The following NXPE2 variants were observed in gnomAD, a reference collection of about 807,000 sequenced individuals.
NXPE2 encodes neurexophilin and PC-esterase domain family member 2.
A neutral mutation model predicts 34.4 loss-of-function variants in NXPE2; 34 were observed. The ratio of observed to expected loss-of-function variants is 0.99; its 90% CI spans 0.75 to 1.31. The LOEUF is 1.31. Among genes scored for constraint, NXPE2 ranks in the 40% most tolerant of loss-of-function variants. NXPE2 has a pLI of 0.00. For synonymous variants in NXPE2, 235 were observed against 231.3 expected (o/e 1.02, Z -0.15); for missense variants, 649 against 672.5 (o/e 0.97, Z 0.39).
At chr11:114,740,035 A>G in the NXPE2 span, among the ~76,000 whole-genome samples, 1 of 152,072 alleles carries the variant, frequency 6.6e-6, no homozygotes, top group Admixed American at 6.6e-5. Flanking sequence ...ACCAAACACT[A>G]TATATATACT....
chr11:114,669,583 A>G, the NXPE2 span, among the ~76,000 whole-genome samples: 18 of 152,074 alleles, frequency 1.2e-4, no homozygotes, highest in African/African-American at 3.6e-4. Flanking sequence ...TGGACTGAGA[A>G]TACCAAGCTC....
At chr11:114,690,315 A>G (rs1264294582) in intron 2 of NXPE2, among the ~76,000 whole-genome samples, 2 of 152,078 alleles carry the variant, frequency 1.3e-5, no homozygotes, top group Non-Finnish European at 1.5e-5. Context: ...CTTAGCAAAT[A>G]CTTGTCTGGA....
the NXPE2 span, among the ~76,000 whole-genome samples, chr11:114,776,054 C>T: frequency 6.6e-6 from 1 of 152,190 alleles, no homozygotes; most frequent in African/African-American, 2.4e-5. Flanking sequence ...GTCTTTATCT[C>T]TCTCCATGGG....
At chr11:114,599,407 C>A in the NXPE2 span, among the ~76,000 whole-genome samples, 2 of 152,136 alleles carry the variant, frequency 1.3e-5, no homozygotes, top group African/African-American at 2.4e-5. Context: ...TTCTTCTGGG[C>A]CCTCCACCCT....
chr11:114,720,513 C>G, the NXPE2 span, among the ~76,000 whole-genome samples: 2 of 152,212 alleles, frequency 1.3e-5, no homozygotes, highest in Non-Finnish European at 2.9e-5. Flanking sequence ...GGGTCAAAAG[C>G]TGCAGTGTCC....
the NXPE2 span, among the ~76,000 whole-genome samples, chr11:114,743,432 C>T: frequency 5.3e-4 from 81 of 152,098 alleles, no homozygotes; most frequent in Non-Finnish European, 8.8e-4. Context: ...TAAGCATGAG[C>T]AAAGCAGTAT....
chr11:114,794,836 A>G, the NXPE2 span, among the ~76,000 whole-genome samples: 1 of 150,960 alleles, frequency 6.6e-6, no homozygotes, highest in South Asian at 2.1e-4. Flanking sequence ...AAGGGGATGG[A>G]TGAATTGCAC....
chr11:114,471,204 G>T, the NXPE2 span, among the ~76,000 whole-genome samples: 1 of 152,022 alleles, frequency 6.6e-6, no homozygotes, highest in Non-Finnish European at 1.5e-5. Context: ...AGAAATCATT[G>T]CCCAGCCAAA....
At chr11:114,602,889 T>G in the NXPE2 span, among the ~76,000 whole-genome samples, 2 of 148,290 alleles carry the variant, frequency 1.3e-5, no homozygotes, top group African/African-American at 4.9e-5. Context: ...AACATAATTA[T>G]CTAATATATA....
the NXPE2 span, among the ~76,000 whole-genome samples, chr11:114,499,704 T>A: frequency 1.3e-5 from 2 of 152,188 alleles, no homozygotes; most frequent in African/African-American, 4.8e-5. Flanking sequence ...TATGTCTGTG[T>A]AACCAACACA....
At chr11:114,647,290 T>G in the NXPE2 span, among the ~76,000 whole-genome samples, 2 of 152,208 alleles carry the variant, frequency 1.3e-5, no homozygotes, top group African/African-American at 4.8e-5. Context: ...AATTTTCTTT[T>G]ATTGTACTGT....
the NXPE2 span, among the ~76,000 whole-genome samples, chr11:114,625,141 T>A: frequency 7.2e-5 from 11 of 152,146 alleles, 1 homozygote; most frequent in Admixed American, 5.9e-4. Context: ...AATGACTGGA[T>A]AATAAGTATT....
chr11:114,632,751 A>ATAATTATATATATAATT, the NXPE2 span, among the ~76,000 whole-genome samples: 1 of 36,312 alleles, frequency 2.8e-5, no homozygotes, highest in African/African-American at 8.4e-5. Flanking sequence ...AATATATTAT[A>ATAATTATATATATAATT]ATATATCATA....
At chr11:114,786,818 GCCCCCCCATGCAAGC>G in the NXPE2 span, among the ~76,000 whole-genome samples, 120 of 151,762 alleles carry the variant, frequency 7.9e-4, no homozygotes, top group Non-Finnish European at 1.4e-3. Context: ...GTTGGGAAGA[GCCCCCCCATGCAAGC>G]CCCACGCATG....
At chr11:114,711,187 G>C (rs975926208), downstream of NXPE2, among the ~76,000 whole-genome samples, 1 of 152,010 alleles carries the variant, frequency 6.6e-6, no homozygotes, top group Non-Finnish European at 1.5e-5. Flanking sequence ...ACAAAGCAAA[G>C]ATGCCCATCC....
chr11:114,737,255 C>G, the NXPE2 span, among the ~76,000 whole-genome samples: 1 of 152,140 alleles, frequency 6.6e-6, no homozygotes, highest in Non-Finnish European at 1.5e-5. Flanking sequence ...ATACCCCAAT[C>G]CCATTTCTAC....
the NXPE2 span, among the ~76,000 whole-genome samples, chr11:114,802,783 C>G: frequency 6.6e-6 from 1 of 151,946 alleles, no homozygotes; most frequent in South Asian, 2.1e-4. Flanking sequence ...AGTTCTTCCT[C>G]TTGTTTGATA....
the NXPE2 span, among the ~76,000 whole-genome samples, chr11:114,789,724 C>A: frequency 3.3e-5 from 5 of 152,174 alleles, no homozygotes; most frequent in Non-Finnish European, 7.3e-5. Context: ...CCTCTTGAGG[C>A]GGCCTTGGTA....
chr11:114,585,141 C>T, the NXPE2 span, among the ~76,000 whole-genome samples: 2 of 151,828 alleles, frequency 1.3e-5, no homozygotes, highest in Non-Finnish European at 2.9e-5. Flanking sequence ...TTCTCACTGG[C>T]CTCAAGTGAG....
Sources: allele counts gnomAD v4.1 joint callset (sites outside exome capture counted in the v4.1 genomes callset), GRCh38; gene constraint gnomAD v4.1.1; transcripts MANE v1.5; gene names NCBI Gene and HGNC (gene_info 2026-07-23, HGNC 2026-07-21).